The following RHOU variants were observed in gnomAD, a reference collection of about 807,000 sequenced individuals.
The protein encoded by RHOU is rho-related GTP-binding protein RhoU.
Under a neutral mutation model 12.6 loss-of-function variants are expected in RHOU, and 8 were observed. The ratio of observed to expected loss-of-function variants is 0.64; its 90% CI spans 0.37 to 1.15. The LOEUF (loss-of-function observed/expected upper bound fraction) is 1.15, where lower values mean the gene tolerates loss of function less well. Ranked by LOEUF, RHOU falls within the 50% of genes most tolerant of loss-of-function variation. RHOU has a pLI of 0.01. For synonymous variants in RHOU, 161 were observed against 147.4 expected, an observed-to-expected ratio of 1.09 and a Z score of -0.67; for missense variants, 258 against 347.0, an observed-to-expected ratio of 0.74 and a Z score of 2.04.
chr1:228,692,740 A>G, the RHOU span, among the ~76,000 whole-genome samples: 29 of 152,142 alleles, frequency 1.9e-4, 1 homozygote, highest in African/African-American at 6.3e-4. Context: ...TAGTCCTGAA[A>G]TCATTTTTTA....
chr1:228,722,513 G>A, the RHOU span, among the ~76,000 whole-genome samples: 1 of 152,194 alleles, frequency 6.6e-6, no homozygotes, highest in African/African-American at 2.4e-5. Context: ...AACTTCGTAT[G>A]TACAAACTGA....
chr1:228,650,548 C>T, the RHOU span: 9 of 456,838 alleles, frequency 2.0e-5, no homozygotes, highest in East Asian at 2.8e-4. Context: ...GGAGAGTGCC[C>T]GGCGGGTTGT....
chr1:228,743,208 T>A lies in RHOU; in HGVS notation c.322-77T>A. 1 of 1,335,018 alleles carries A rather than the reference T, an allele frequency of 7.5e-7. No individual in the cohort carries two copies. The highest frequency in any genetic ancestry group is 2.3e-5 in the East Asian group (1 of 43,330). The allele number at this position is 1,335,018 out of a possible 1,614,324, so 82.7% of individuals were successfully genotyped here. A position where few individuals can be genotyped will look rare whatever the true frequency, so the allele number is the denominator to read the frequency against. On this transcript the variant is annotated intron_variant, in intron 2 of 2. Coordinates refer to ENST00000366691, the MANE Select transcript of RHOU (RefSeq NM_021205.6). The surrounding 1 kb of genome is among the most constrained non-coding windows in gnomAD (Gnocchi z 5.1). ...TTCTATCACCTGCCAGACCCTTTCA[T>A]GAAAAATGTGAAGGTGATCTTTTTA...
At chr1:228,652,935 T>C in the RHOU span, among the ~76,000 whole-genome samples, 1 of 152,232 alleles carries the variant, frequency 6.6e-6, no homozygotes, top group African/African-American at 2.4e-5. Flanking sequence ...TCCTACTAAG[T>C]ACCTCCAAAA....
At chr1:228,712,071 A>G in the RHOU span, among the ~76,000 whole-genome samples, 6 of 149,912 alleles carry the variant, frequency 4.0e-5, no homozygotes, top group Admixed American at 4.0e-4. Flanking sequence ...GCTCACCATC[A>G]CTGGCCATCA....
the RHOU span, among the ~76,000 whole-genome samples, chr1:228,711,600 AG>A: frequency 6.6e-6 from 1 of 152,236 alleles, no homozygotes; most frequent in African/African-American, 2.4e-5. Context: ...AAAACTGGCT[AG>A]CCATATGTAG....
the RHOU span, among the ~76,000 whole-genome samples, chr1:228,663,728 G>A: frequency 7.2e-6 from 1 of 139,366 alleles, no homozygotes; most frequent in Non-Finnish European, 1.5e-5. Flanking sequence ...CGCCTCCCGA[G>A]ATCAAGCGAT....
the RHOU span, among the ~76,000 whole-genome samples, chr1:228,704,344 A>C: frequency 6.6e-6 from 1 of 152,220 alleles, no homozygotes; most frequent in Non-Finnish European, 1.5e-5. Flanking sequence ...TCTTGGCAAA[A>C]TAAACTCTCT....
At chr1:228,719,642 A>G in the RHOU span, among the ~76,000 whole-genome samples, 1 of 152,124 alleles carries the variant, frequency 6.6e-6, no homozygotes, top group Non-Finnish European at 1.5e-5. Flanking sequence ...AGGAGGGAGG[A>G]TCACTTGAAC....
the RHOU span, among the ~76,000 whole-genome samples, chr1:228,711,015 C>T: frequency 6.6e-6 from 1 of 151,914 alleles, no homozygotes; most frequent in African/African-American, 2.4e-5. Flanking sequence ...TATACACCAA[C>T]AGACAAACAG....
At chr1:228,682,858 A>C in the RHOU span, among the ~76,000 whole-genome samples, 26 of 152,302 alleles carry the variant, frequency 1.7e-4, 1 homozygote, top group Admixed American at 7.2e-4. Flanking sequence ...ATGTCACTCA[A>C]ATCTGACACT....
chr1:228,703,767 A>G, the RHOU span, among the ~76,000 whole-genome samples: 3 of 152,318 alleles, frequency 2.0e-5, no homozygotes, highest in Non-Finnish European at 4.4e-5. Context: ...CTTTTTATAA[A>G]CACTGTATCC....
chr1:228,675,768 T>C, the RHOU span, among the ~76,000 whole-genome samples: 2 of 152,210 alleles, frequency 1.3e-5, no homozygotes, highest in African/African-American at 2.4e-5. Flanking sequence ...AATGATTTTA[T>C]ATTCAGAGAT....
chr1:228,647,358 A>T, the RHOU span, among the ~76,000 whole-genome samples: 2 of 151,582 alleles, frequency 1.3e-5, no homozygotes, highest in South Asian at 2.1e-4. Context: ...TTTTGGCGGG[A>T]GCCGTGGTAC....
chr1:228,678,427 G>C, the RHOU span, among the ~76,000 whole-genome samples: 1 of 152,170 alleles, frequency 6.6e-6, no homozygotes, highest in African/African-American at 2.4e-5. Flanking sequence ...AAGTTGGAAG[G>C]CTAGCTGCTT....
At chr1:228,687,733 T>C in the RHOU span, 1 of 1,440,146 alleles carries the variant, frequency 6.9e-7, no homozygotes, top group South Asian at 1.1e-5. Context: ...GGTGAGCACG[T>C]GACCAACTTG....
At chr1:228,691,123 T>C in the RHOU span, among the ~76,000 whole-genome samples, 5 of 152,028 alleles carry the variant, frequency 3.3e-5, no homozygotes, top group African/African-American at 9.7e-5. Flanking sequence ...TTTCAAAACC[T>C]CTTTAGGTTC....
the RHOU span, among the ~76,000 whole-genome samples, chr1:228,675,916 G>T: frequency 6.6e-6 from 1 of 152,050 alleles, no homozygotes; most frequent in South Asian, 2.1e-4. Flanking sequence ...CCAGAGAACA[G>T]AGGAGAAACT....
the RHOU span, among the ~76,000 whole-genome samples, chr1:228,707,914 A>T: frequency 1.3e-5 from 2 of 152,172 alleles, no homozygotes; most frequent in African/African-American, 4.8e-5. Flanking sequence ...CTTTGAAAAA[A>T]ATTTAGAAGA....
Sources: gnomAD v4.1 joint callset for allele counts (sites outside exome capture counted in the v4.1 genomes callset) on GRCh38, gnomAD v4.1.1 for gene constraint, Gnocchi (gnomAD v3.1) non-coding constraint, MANE v1.5 for transcripts, NCBI Gene and HGNC (gene_info 2026-07-23, HGNC 2026-07-21) for gene names.